SGCD: variants seen among roughly 807,000 people sequenced by gnomAD.
The protein encoded by SGCD is sarcoglycan delta.
Under a neutral mutation model 36.6 loss-of-function variants are expected in SGCD, and 18 were observed. That is an observed-to-expected ratio of 0.49 (90% CI 0.34 to 0.73). The LOEUF is 0.73. Ranked by LOEUF, SGCD falls within the 30% of genes least tolerant of loss-of-function variation. The pLI, the probability that SGCD is intolerant of heterozygous loss-of-function variation, is 0.01. For missense variants in SGCD, 387 were observed against 346.7 expected (o/e 1.12, Z -0.92); for synonymous variants, 133 against 130.6 (o/e 1.02, Z -0.12).
intron 1 of SGCD, among the ~76,000 whole-genome samples, chr5:155,951,483 AAG>A (rs1561660747): frequency 6.6e-6 from 1 of 152,196 alleles, no homozygotes; most frequent in Non-Finnish European, 1.5e-5. Flanking sequence ...CTGTGATGCT[AAG>A]AGTCAAGAAA....
intron 1 of SGCD, among the ~76,000 whole-genome samples, chr5:155,993,869 A>T (rs564197032): frequency 6.6e-6 from 1 of 152,180 alleles, no homozygotes; most frequent in Non-Finnish European, 1.5e-5. Flanking sequence ...CAGATGTCTC[A>T]CAGCATCACT....
intron 3 of SGCD, among the ~76,000 whole-genome samples, chr5:156,173,484 A>G (rs564194369): frequency 5.9e-5 from 9 of 152,352 alleles, no homozygotes; most frequent in African/African-American, 1.9e-4. Context: ...TGAAAGGAAT[A>G]AAATTGAAAA....
chr5:156,157,397 G>T (rs11948975), intron 3 of SGCD, among the ~76,000 whole-genome samples: 8,987 of 151,674 alleles, frequency 0.059, 600 homozygotes, highest in African/African-American at 0.13. Flanking sequence ...GCCAGGTATT[G>T]GACTCCAAAG....
At chr5:156,030,766 C>A (rs964444228) in intron 1 of SGCD, among the ~76,000 whole-genome samples, 1 of 151,908 alleles carries the variant, frequency 6.6e-6, no homozygotes, top group Non-Finnish European at 1.5e-5. Flanking sequence ...TGAGAGTGAG[C>A]AGGGTTGGGA....
chr5:156,068,408 T>C (rs1159550624), intron 1 of SGCD, among the ~76,000 whole-genome samples: 1 of 152,128 alleles, frequency 6.6e-6, no homozygotes, highest in Non-Finnish European at 1.5e-5. Context: ...TTACTGAGAA[T>C]GATGATTTCC....
chr5:156,107,553 T>G (rs935758914), intron 1 of SGCD, among the ~76,000 whole-genome samples: 2 of 152,172 alleles, frequency 1.3e-5, no homozygotes, highest in African/African-American at 4.8e-5. Flanking sequence ...TCATATTAAC[T>G]TAAATGTGTA....
At chr5:156,417,903 G>A (rs577437457) in intron 3 of SGCD, among the ~76,000 whole-genome samples, 1 of 152,252 alleles carries the variant, frequency 6.6e-6, no homozygotes, top group South Asian at 2.1e-4. Flanking sequence ...CCTTGTCACA[G>A]TTCTTTCATA....
intron 1 of SGCD, among the ~76,000 whole-genome samples, chr5:155,995,199 ATGCCCCCTTATCTCTACAAGAGGAGG>A (rs1173860228): frequency 1.3e-5 from 2 of 152,162 alleles, no homozygotes; most frequent in Non-Finnish European, 2.9e-5. Flanking sequence ...GGACTTAAAA[ATGCCCCCTTATCTCTACAAGAGGAGG>A]TCCAGAGCAC....
chr5:156,475,897 G>A (rs1315144003), intron 3 of SGCD, among the ~76,000 whole-genome samples: 2 of 152,228 alleles, frequency 1.3e-5, no homozygotes, highest in Non-Finnish European at 2.9e-5. Context: ...AAATAAAGAT[G>A]TGGAGGACAG....
intron 3 of SGCD, among the ~76,000 whole-genome samples, chr5:156,253,269 C>A (rs1381433455): frequency 1.3e-5 from 2 of 152,160 alleles, no homozygotes; most frequent in African/African-American, 2.4e-5. Flanking sequence ...AGCATATGAT[C>A]CACGAGTCTC....
At chr5:156,157,234 A>G (rs1762983708) in intron 3 of SGCD, among the ~76,000 whole-genome samples, 1 of 151,778 alleles carries the variant, frequency 6.6e-6, no homozygotes, top group Non-Finnish European at 1.5e-5. Context: ...TGACTCTATG[A>G]CAGAACTGGA....
chr5:156,433,473 C>G (rs1414821839), intron 3 of SGCD, among the ~76,000 whole-genome samples: 1 of 152,140 alleles, frequency 6.6e-6, no homozygotes, highest in Non-Finnish European at 1.5e-5. Flanking sequence ...ACCTTGAAAC[C>G]TCAGTTTAGC....
intron 3 of SGCD, among the ~76,000 whole-genome samples, chr5:156,155,049 T>C (rs1054928212): frequency 1.3e-5 from 2 of 151,800 alleles, no homozygotes; most frequent in African/African-American, 4.9e-5. Context: ...TGCAACATCA[T>C]AGAACAATGA....
chr5:156,263,723 A>T (rs184246020), intron 3 of SGCD, among the ~76,000 whole-genome samples: 17 of 152,254 alleles, frequency 1.1e-4, no homozygotes, highest in Non-Finnish European at 1.0e-4. Context: ...TTATGATTTC[A>T]GGTCTTAGAT....
At chr5:156,451,691 A>G (rs1754024837) in intron 3 of SGCD, among the ~76,000 whole-genome samples, 2 of 152,308 alleles carry the variant, frequency 1.3e-5, no homozygotes, top group African/African-American at 4.8e-5. Flanking sequence ...ATCCTTACTC[A>G]GTGAACTGCT....
At chr5:156,412,654 C>A (rs1377208341) in intron 3 of SGCD, among the ~76,000 whole-genome samples, 1 of 152,194 alleles carries the variant, frequency 6.6e-6, no homozygotes, top group African/African-American at 2.4e-5. Flanking sequence ...AGTCAAAGAA[C>A]TTAGAGATCA....
At chr5:155,896,067 T>C (rs1192229495) in intron 1 of SGCD, among the ~76,000 whole-genome samples, 1 of 152,240 alleles carries the variant, frequency 6.6e-6, no homozygotes, top group African/African-American at 2.4e-5. Flanking sequence ...TATATTCCAT[T>C]TGATATTTCC....
intron 3 of SGCD, among the ~76,000 whole-genome samples, chr5:156,270,453 A>G (rs1262405770): frequency 6.6e-6 from 1 of 152,202 alleles, no homozygotes; most frequent in Non-Finnish European, 1.5e-5. Flanking sequence ...TTTAAGCAAT[A>G]CTATTATTAA....
the SGCD span, among the ~76,000 whole-genome samples, chr5:155,728,169 C>G: frequency 6.6e-6 from 1 of 152,108 alleles, no homozygotes; most frequent in Non-Finnish European, 1.5e-5. Context: ...GCAGCCTCTC[C>G]CCGCCGCCCC....
Sources: allele counts gnomAD v4.1 joint callset (sites outside exome capture counted in the v4.1 genomes callset), GRCh38; gene constraint gnomAD v4.1.1; transcripts MANE v1.5; gene names NCBI Gene and HGNC (gene_info 2026-07-23, HGNC 2026-07-21).